Variants in TRAF3IP1 observed in about 807,000 individuals in gnomAD.
The protein encoded by TRAF3IP1 is intraflagellar transport 54.
Under a neutral mutation model 89.9 loss-of-function variants are expected in TRAF3IP1, and 53 were observed. The observed-to-expected ratio is 0.59, with a 90% CI of 0.47 to 0.74. The LOEUF is 0.74. Among genes scored for constraint, TRAF3IP1 ranks in the 30% least tolerant of loss-of-function variants. The pLI, the probability that TRAF3IP1 is intolerant of heterozygous loss-of-function variation, is 0.00. For synonymous variants in TRAF3IP1, 311 were observed against 322.1 expected, an observed-to-expected ratio of 0.97 and a Z score of 0.37; for missense variants, 806 against 866.1, an observed-to-expected ratio of 0.93 and a Z score of 0.87.
chr2:238,329,135 C>T lies in TRAF3IP1; in HGVS notation c.708C>T (p.Asn236=), dbSNP rs895780108. ...ACGAGCGACAGAAAGACAGAGGCAA[C>T]AGGGAGCGGGACAGAGACTCCGAGC... ...PDNERQKDRG[N]RERDRDSERK... is the part of the protein sequence containing the mutation. The change falls in exon 5 of 17, where the codon AAC becomes AAT. Residue 236 remains asparagine (N), a synonymous_variant. Transcript: ENST00000373327. 1.3e-6 allele frequency: 2 copies of T among 1,551,530 alleles called. No homozygotes were observed.
intron 15 of TRAF3IP1, among the ~76,000 whole-genome samples, chr2:238,366,009 G>A (rs928130342): frequency 9.2e-5 from 14 of 152,276 alleles, no homozygotes; most frequent in Middle Eastern, 3.4e-3. Flanking sequence ...ACTTTGGGAG[G>A]CCGAGGCGGG....
chr2:238,327,999 A>G (rs1015896459), intron 3 of TRAF3IP1, among the ~76,000 whole-genome samples: 7 of 152,174 alleles, frequency 4.6e-5, no homozygotes, highest in Non-Finnish European at 1.0e-4. Flanking sequence ...TCAATGGTAC[A>G]GTTTGCTCCC....
At chr2:238,341,553 A>C (rs936146179) in intron 8 of TRAF3IP1, among the ~76,000 whole-genome samples, 1 of 150,802 alleles carries the variant, frequency 6.6e-6, no homozygotes, top group Admixed American at 6.6e-5. Context: ...TTTTAAAAAA[A>C]AAACACTGGC....
In TRAF3IP1 at chr2:238,320,899, GGTCGGGGGCCGGGGCTGGGCCGGA is replaced by G. The variant is rs1026910283; in HGVS notation, c.123+122_123+145del. On this transcript the variant is annotated intron_variant, in intron 1 of 16. Coordinates refer to ENST00000373327, the MANE Select transcript of TRAF3IP1 (RefSeq NM_015650.4). ...CGAGCCGGGCTCGGGCTCAGGTGCG[GGTCGGGGGCCGGGGCTGGGCCGGA>G]GTCGGGGCCCGGGCCGGGTGTGAAC... The G allele has an allele frequency of 4.4e-5, 43 of 967,738 alleles. No homozygotes were observed. The Admixed American group carries it at 8.7e-4, about 20-fold the overall frequency. The allele number at this position is 967,738 out of a possible 1,614,324, so 59.9% of individuals were successfully genotyped here.
intron 9 of TRAF3IP1, 131 bp from the exon 10 acceptor site, chr2:238,347,324 A>G (rs1698939261): frequency 4.3e-6 from 4 of 923,572 alleles, no homozygotes; most frequent in Middle Eastern, 2.2e-4. Flanking sequence ...GGCTATGAGG[A>G]AATGATCTTT....
At chr2:238,388,922 T>C (rs1205657089) in intron 15 of TRAF3IP1, among the ~76,000 whole-genome samples, 1 of 152,216 alleles carries the variant, frequency 6.6e-6, no homozygotes, top group African/African-American at 2.4e-5. Context: ...CGTGAGCCAC[T>C]GCGCCCAGCC....
At chr2:238,394,064 T>C (rs1701108267) in intron 15 of TRAF3IP1, among the ~76,000 whole-genome samples, 2 of 152,092 alleles carry the variant, frequency 1.3e-5, no homozygotes, top group African/African-American at 4.8e-5. Flanking sequence ...GGCATGCTGG[T>C]GTGCGCCTGT....
intron 3 of TRAF3IP1, 76 bp downstream of exon 3, chr2:238,326,046 G>A: frequency 2.7e-6 from 4 of 1,485,338 alleles, no homozygotes; most frequent in South Asian, 1.3e-5. Flanking sequence ...GGACTCACAT[G>A]TGCGGGCGGT....
chr2:238,323,097 TAGAGGGA>T (rs1559351444), intron 1 of TRAF3IP1, among the ~76,000 whole-genome samples: 7 of 151,274 alleles, frequency 4.6e-5, no homozygotes, highest in East Asian at 1.9e-4. Flanking sequence ...TTTTTTTTTT[TAGAGGGA>T]TTCTTGCTCT....
At chr2:238,391,313 G>A (rs1439959748) in intron 15 of TRAF3IP1, among the ~76,000 whole-genome samples, 1 of 152,128 alleles carries the variant, frequency 6.6e-6, no homozygotes, top group Non-Finnish European at 1.5e-5. Context: ...CCTGTGTGGG[G>A]GTAATAGATC....
intron 8 of TRAF3IP1, among the ~76,000 whole-genome samples, chr2:238,340,846 T>TAGAGAG (rs67240549): frequency 2.9e-4 from 43 of 150,434 alleles, no homozygotes; most frequent in East Asian, 1.2e-3. Context: ...TATATATATA[T>TAGAGAG]AGAGAGAGAG....
At chr2:238,360,407 A>C (rs1197310408) in intron 15 of TRAF3IP1, among the ~76,000 whole-genome samples, 2 of 152,154 alleles carry the variant, frequency 1.3e-5, no homozygotes, top group Non-Finnish European at 2.9e-5. Context: ...TGTGAGGATC[A>C]CTTGAAGCCA....
At chr2:238,330,541 G>C (rs1413364087) in intron 5 of TRAF3IP1, among the ~76,000 whole-genome samples, 3 of 152,226 alleles carry the variant, frequency 2.0e-5, no homozygotes, top group Non-Finnish European at 4.4e-5. Flanking sequence ...ATCCGGCCGG[G>C]CAGTGAGGGG....
chr2:238,325,800 A>G lies in TRAF3IP1; in HGVS notation c.193-9A>G. The G allele has an allele frequency of 6.2e-7, 1 of 1,608,332 alleles. No homozygotes were observed. Among genetic ancestry groups the G allele is most frequent in the Non-Finnish European group, 8.5e-7 (1 of 1,177,444 alleles). ...TGTAATATTTGTATTTTCAATGGAA[A>G]TGTTTCAGGATAAAGATGCAAAAAT... On this transcript the variant is annotated splice_polypyrimidine_tract_variant and intron_variant, in intron 2 of 16. Coordinates refer to ENST00000373327, the MANE Select transcript of TRAF3IP1 (RefSeq NM_015650.4).
At chr2:238,352,723 G>A in intron 12 of TRAF3IP1, 104 bp from the exon 13 acceptor site, 1 of 1,130,382 alleles carries the variant, frequency 8.8e-7, no homozygotes, top group Non-Finnish European at 1.3e-6. Context: ...AGCTAGAGAT[G>A]GTTGGTGATT....
At chr2:238,378,612 TGAGAGAGA>T (rs142416383) in intron 15 of TRAF3IP1, among the ~76,000 whole-genome samples, 1 of 149,866 alleles carries the variant, frequency 6.7e-6, no homozygotes, top group Non-Finnish European at 1.5e-5. Flanking sequence ...GCCTGGAGTT[TGAGAGAGA>T]GAGAGAGAGA....
intron 14 of TRAF3IP1, 132 bp from the exon 15 acceptor site, chr2:238,355,872 T>A (rs541878826): frequency 2.9e-6 from 2 of 686,084 alleles, no homozygotes; most frequent in South Asian, 3.4e-5. Flanking sequence ...AAATAAAGAT[T>A]ATTTGAAACT....
At chr2:238,338,068 AGAGGAAGAGGAGGAG>A (rs1313494321) in intron 7 of TRAF3IP1, among the ~76,000 whole-genome samples, 39 of 152,262 alleles carry the variant, frequency 2.6e-4, no homozygotes, top group African/African-American at 8.9e-4. Flanking sequence ...CCAGGTCAGA[AGAGGAAGAGGAGGAG>A]GAGGAAGAGG....
intron 15 of TRAF3IP1, 69 bp from the exon 16 acceptor site, chr2:238,397,390 G>A (rs550761455): frequency 5.0e-6 from 7 of 1,414,022 alleles, no homozygotes; most frequent in Admixed American, 1.7e-5. Context: ...CGTGTGCTGA[G>A]TGCACCGGCC....
Sources: gnomAD v4.1 joint callset for allele counts (sites outside exome capture counted in the v4.1 genomes callset) on GRCh38, gnomAD v4.1.1 for gene constraint, MANE v1.5 for transcripts, NCBI Gene and HGNC (gene_info 2026-07-23, HGNC 2026-07-21) for gene names.